Variants in GPR160 observed in about 807,000 individuals in gnomAD.
GPR160 encodes G protein-coupled receptor 160, also known as probable G protein-coupled receptor 160.
GPR160 carries 2 observed loss-of-function variants against 2.6 expected under a neutral mutation model. The ratio of observed to expected loss-of-function variants is 0.77; its 90% CI spans 0.32 to 2.44. The LOEUF is 2.44. Ranked by LOEUF, GPR160 falls within the 30% of genes most tolerant of loss-of-function variation. The pLI is 0.11. For missense variants in GPR160, 351 were observed against 383.6 expected (o/e 0.91, Z 0.71); for synonymous variants, 130 against 132.2 (o/e 0.98, Z 0.12).
At chr3:170,060,227 T>G (rs996424227) in intron 2 of GPR160, among the ~76,000 whole-genome samples, 1 of 152,206 alleles carries the variant, frequency 6.6e-6, no homozygotes, top group Non-Finnish European at 1.5e-5. Context: ...GGCAGTGAAT[T>G]ATAACACATT....
chr3:170,066,722 C>T (rs913495503), intron 2 of GPR160, among the ~76,000 whole-genome samples: 1 of 152,176 alleles, frequency 6.6e-6, no homozygotes, highest in African/African-American at 2.4e-5. Context: ...CTCTTATAAA[C>T]ACCTACTTTT....
At chr3:170,046,068 C>T (rs1393350616) in intron 2 of GPR160, among the ~76,000 whole-genome samples, 5 of 152,182 alleles carry the variant, frequency 3.3e-5, no homozygotes, top group African/African-American at 1.2e-4. Flanking sequence ...GCTTCCTTTA[C>T]TTTCACTTTT....
intron 2 of GPR160, among the ~76,000 whole-genome samples, chr3:170,073,590 T>C (rs891398102): frequency 2.0e-5 from 3 of 152,230 alleles, no homozygotes; most frequent in Non-Finnish European, 4.4e-5. Flanking sequence ...ATTGACTTTC[T>C]AATGTTAAAA....
intron 2 of GPR160, among the ~76,000 whole-genome samples, chr3:170,066,005 C>T (rs1285228629): frequency 6.6e-6 from 1 of 152,078 alleles, no homozygotes; most frequent in East Asian, 1.9e-4. Flanking sequence ...AATCCTCCTG[C>T]CTCAGCCTCC....
intron 2 of GPR160, among the ~76,000 whole-genome samples, chr3:170,050,368 C>T (rs901344615): frequency 3.9e-5 from 6 of 152,114 alleles, no homozygotes; most frequent in South Asian, 2.1e-4. Flanking sequence ...CTTGGCCTCC[C>T]GGGTAGCTGG....
intron 2 of GPR160, among the ~76,000 whole-genome samples, chr3:170,074,128 A>G (rs1381004838): frequency 1.3e-5 from 2 of 152,010 alleles, no homozygotes. Context: ...ACCTTAGGTG[A>G]TCCGCTGGCC....
At chr3:170,083,768 G>A in intron 3 of GPR160, 137 bp from the exon 4 acceptor site, 2 of 402,186 alleles carry the variant, frequency 5.0e-6, no homozygotes. Context: ...ATTCTATTAA[G>A]TATTATGTGA....
intron 2 of GPR160, among the ~76,000 whole-genome samples, chr3:170,076,177 G>A (rs556107924): frequency 1.3e-5 from 2 of 152,142 alleles, no homozygotes; most frequent in East Asian, 3.9e-4. Flanking sequence ...GGGAGGATTG[G>A]GTGGCACAGG....
Position 170,084,327 on chromosome 3 carries a change from G to A in GPR160, c.355G>A (p.Asp119Asn), listed in dbSNP as rs1215965003. The A allele has an allele frequency of 6.2e-7, 1 of 1,608,862 alleles. No individual in the cohort carries two copies. Among genetic ancestry groups the A allele is most frequent in the Non-Finnish European group, 8.5e-7 (1 of 1,176,802 alleles). ...HYPVFLTACI[D>N]YCLNFSKTTK... ...TCCAGTTTTCCTGACAGCTTGTATAGATTATTGCCTGAATTTCTCTAAAAC... is the reference window on the plus strand; with the variant it reads ...TCCAGTTTTCCTGACAGCTTGTATAAATTATTGCCTGAATTTCTCTAAAAC... The change falls in exon 4 of 4, where the codon GAT (aspartate) becomes AAT (asparagine). Residue 119 changes from aspartate (D) to asparagine (N), a missense_variant. Transcript: ENST00000355897.
chr3:170,053,902 G>T (rs1711513250), intron 2 of GPR160, among the ~76,000 whole-genome samples: 1 of 150,784 alleles, frequency 6.6e-6, no homozygotes, highest in Non-Finnish European at 1.5e-5. Context: ...TCATCTGTTG[G>T]CACTTTCTCT....
intron 2 of GPR160, among the ~76,000 whole-genome samples, chr3:170,068,292 G>A (rs1486267288): frequency 2.0e-5 from 3 of 151,992 alleles, no homozygotes; most frequent in South Asian, 2.1e-4. Flanking sequence ...TTACAGGCGT[G>A]CACCACCATG....
intron 2 of GPR160, among the ~76,000 whole-genome samples, chr3:170,069,046 A>C (rs1576907565): frequency 6.6e-6 from 1 of 152,292 alleles, no homozygotes; most frequent in Non-Finnish European, 1.5e-5. Flanking sequence ...AGAGGTCTCA[A>C]CTTCCGCTAT....
chr3:170,064,514 C>CTTTTTTTTTTTTT (rs1175382810), intron 2 of GPR160, among the ~76,000 whole-genome samples: 7 of 81,048 alleles, frequency 8.6e-5, no homozygotes, highest in Admixed American at 1.7e-4. Flanking sequence ...CTTTTCTTTT[C>CTTTTTTTTTTTTT]TTTTTTTTTT....
chr3:170,073,822 T>C (rs1712715813), intron 2 of GPR160, among the ~76,000 whole-genome samples: 1 of 152,040 alleles, frequency 6.6e-6, no homozygotes, highest in Non-Finnish European at 1.5e-5. Context: ...TGAAGACATC[T>C]GAGCCTATAT....
intron 2 of GPR160, among the ~76,000 whole-genome samples, chr3:170,047,652 G>A (rs1346524774): frequency 6.6e-6 from 1 of 151,962 alleles, no homozygotes; most frequent in Non-Finnish European, 1.5e-5. Context: ...ATCAACCTAA[G>A]TGTCCATCAA....
chr3:170,040,936 A>C (rs1716417678), intron 2 of GPR160, among the ~76,000 whole-genome samples: 1 of 152,196 alleles, frequency 6.6e-6, no homozygotes, highest in Non-Finnish European at 1.5e-5. Context: ...TTTAAGAATC[A>C]TGCTTGAAAG....
chr3:170,044,188 G>C (rs1042788141), intron 2 of GPR160, among the ~76,000 whole-genome samples: 1 of 151,950 alleles, frequency 6.6e-6, no homozygotes, highest in Non-Finnish European at 1.5e-5. Flanking sequence ...GCCTGGCGTG[G>C]TGGTGTATGC....
chr3:170,038,746 C>A lies in GPR160; in HGVS notation c.-321-169C>A, dbSNP rs1293294850. The A allele has an allele frequency of 6.6e-6, 1 of 152,148 alleles. No homozygotes were observed. Among genetic ancestry groups the A allele is most frequent in the Non-Finnish European group, 1.5e-5 (1 of 68,016 alleles). 9.4% of individuals were successfully genotyped at this position (152,148 alleles called of 1,614,324 possible). On this transcript the variant is annotated intron_variant, in intron 1 of 3. Coordinates refer to ENST00000355897, the MANE Select transcript of GPR160 (RefSeq NM_014373.3). This position sits in a 1 kb window ranked among gnomAD's most constrained non-coding sequence, Gnocchi z 5.3. ...TGGGGACGGCGCCCCCGCCCGCGCC[C>A]GCCACTGGGATTAAGCCCCAGGGCC...
At chr3:170,042,288 G>T (rs2108306380) in intron 2 of GPR160, among the ~76,000 whole-genome samples, 1 of 151,674 alleles carries the variant, frequency 6.6e-6, no homozygotes, top group African/African-American at 2.4e-5. Context: ...AGGTATGGTG[G>T]TGCACGCCTG....
Sources: gnomAD v4.1 joint callset for allele counts (sites outside exome capture counted in the v4.1 genomes callset) on GRCh38, gnomAD v4.1.1 for gene constraint, Gnocchi (gnomAD v3.1) non-coding constraint, MANE v1.5 for transcripts, NCBI Gene and HGNC (gene_info 2026-07-23, HGNC 2026-07-21) for gene names.